BTBD1: variants seen among roughly 807,000 people sequenced by gnomAD.
The protein encoded by BTBD1 is BTB domain containing 1, also known as BTB/POZ domain-containing protein 1.
BTBD1 carries 34 observed loss-of-function variants against 48.0 expected under a neutral mutation model. That is an observed-to-expected ratio of 0.71 (90% CI 0.54 to 0.94). BTBD1 has a LOEUF of 0.94. BTBD1 is among the 40% of genes least tolerant of loss of function. The probability of loss-of-function intolerance (pLI) is 0.00; values close to 1 mark genes in which losing one functional copy is unlikely to be tolerated. For synonymous variants in BTBD1, 261 were observed against 242.1 expected, an observed-to-expected ratio of 1.08 and a Z score of -0.72; for missense variants, 543 against 625.6, an observed-to-expected ratio of 0.87 and a Z score of 1.41.
intron 5 of BTBD1, chr15:83,024,058 T>C (rs114390449): frequency 0.033 from 4,955 of 152,102 alleles, 248 homozygotes; most frequent in African/African-American, 0.11. Flanking sequence ...TTTGTAGAGA[T>C]GGGGGTTTCA....
intron 2 of BTBD1, among the ~76,000 whole-genome samples, chr15:83,052,631 ATTTTT>A (rs35721041): frequency 7.5e-6 from 1 of 132,674 alleles, no homozygotes; most frequent in Non-Finnish European, 1.6e-5. Context: ...ATATCAACAG[ATTTTT>A]TTTTTTTTTT....
intron 2 of BTBD1, among the ~76,000 whole-genome samples, chr15:83,051,871 T>TAC (rs1181498879): frequency 7.6e-4 from 6 of 7,846 alleles, no homozygotes; most frequent in African/African-American, 1.2e-3. Context: ...TTTTTTTCCA[T>TAC]ATATATACAC....
chr15:83,029,546 ACTC>A (rs1379896901), intron 5 of BTBD1: 4 of 152,372 alleles, frequency 2.6e-5, no homozygotes, highest in Admixed American at 1.3e-4. Flanking sequence ...AAGGTCTAGA[ACTC>A]AGCCCACTGG....
intron 5 of BTBD1, among the ~76,000 whole-genome samples, chr15:83,021,598 A>G (rs761165707): frequency 1.2e-4 from 19 of 152,012 alleles, no homozygotes; most frequent in African/African-American, 3.1e-4. Context: ...TACTAAAAAT[A>G]TAACAGTTAG....
At chr15:83,032,986 A>AC (rs1205626004) in intron 4 of BTBD1, among the ~76,000 whole-genome samples, 1 of 151,372 alleles carries the variant, frequency 6.6e-6, no homozygotes, top group Non-Finnish European at 1.5e-5. Flanking sequence ...AAAAAAAAAA[A>AC]AACAGAATAG....
At chr15:83,042,364 ATATATATATATATGTATG>A (rs1320791152) in intron 3 of BTBD1, among the ~76,000 whole-genome samples, 1 of 123,088 alleles carries the variant, frequency 8.1e-6, no homozygotes, top group Non-Finnish European at 1.7e-5. Flanking sequence ...ATATATATAT[ATATATATATATATGTATG>A]TATATATTTT....
intron 5 of BTBD1, among the ~76,000 whole-genome samples, chr15:83,022,758 T>C (rs1160060545): frequency 6.6e-6 from 1 of 151,856 alleles, no homozygotes; most frequent in African/African-American, 2.4e-5. Context: ...GGTCAGGGGA[T>C]CGAGACCATT....
In BTBD1 at chr15:83,041,368, A is replaced by AT. The variant is rs903109976; in HGVS notation, c.862+359dup. Among the ~76,000 whole-genome samples, 764 of 143,040 alleles carry AT rather than the reference A, an allele frequency of 5.3e-3. 1 individual carries two copies. Among genetic ancestry groups the AT allele is most frequent in the Middle Eastern group, 7.3e-3 (2 of 274 alleles). The allele number at this position is 143,040 out of a possible 152,430, so 93.8% of individuals were successfully genotyped here. ...TCTCTGGCGCAGGGAGACTGATAGA[A>AT]TTTTTTTTTTTTTTTGAGATGGAGT... On this transcript the variant is annotated intron_variant, in intron 4 of 7. Coordinates refer to ENST00000261721, the MANE Select transcript of BTBD1 (RefSeq NM_025238.4).
intron 5 of BTBD1, chr15:83,029,641 G>A (rs955305425): frequency 6.5e-6 from 1 of 153,768 alleles, no homozygotes; most frequent in African/African-American, 2.4e-5. Flanking sequence ...GAAGGCTGAA[G>A]CAGGTGGATC....
At chr15:83,029,496 A>G (rs1207337229) in intron 5 of BTBD1, 2 of 152,266 alleles carry the variant, frequency 1.3e-5, no homozygotes, top group East Asian at 3.9e-4. Flanking sequence ...ACATTTATTA[A>G]TTGTAGCCCT....
intron 3 of BTBD1, among the ~76,000 whole-genome samples, chr15:83,046,117 T>C (rs539499432): frequency 3.3e-5 from 5 of 152,186 alleles, no homozygotes; most frequent in African/African-American, 9.6e-5. Context: ...TTTTTGGGGC[T>C]AGGCATAATA....
chr15:83,051,873 T>TACACACACAC (rs766997533), intron 2 of BTBD1, among the ~76,000 whole-genome samples: 14 of 23,688 alleles, frequency 5.9e-4, no homozygotes, highest in East Asian at 7.2e-3. Flanking sequence ...TTTTTCCATA[T>TACACACACAC]ATATACACAC....
chr15:83,050,249 T>A (rs2032954044), intron 2 of BTBD1, 71 bp from the exon 3 acceptor site: 1 of 882,744 alleles, frequency 1.1e-6, no homozygotes. Flanking sequence ...TATTTGAAAT[T>A]AATATTGTCA....
intron 6 of BTBD1, among the ~76,000 whole-genome samples, chr15:83,019,442 C>T (rs567614118): frequency 7.2e-4 from 109 of 151,528 alleles, no homozygotes; most frequent in African/African-American, 2.4e-3. Flanking sequence ...CCTTCCACAT[C>T]GGCCTCCCAA....
chr15:83,065,164 T>A (rs1438342850), intron 1 of BTBD1, among the ~76,000 whole-genome samples: 2 of 152,340 alleles, frequency 1.3e-5, no homozygotes, highest in Middle Eastern at 3.4e-3. Context: ...AATAAAGCTG[T>A]AAATATTTTT....
intron 4 of BTBD1, chr15:83,030,748 A>T (rs2032500592): frequency 6.5e-6 from 1 of 153,864 alleles, no homozygotes; most frequent in Admixed American, 6.5e-5. Flanking sequence ...AATGCAACAA[A>T]AACAAAAACA....
chr15:83,025,948 C>G (rs1348772337), intron 5 of BTBD1, among the ~76,000 whole-genome samples: 1 of 151,706 alleles, frequency 6.6e-6, no homozygotes, highest in East Asian at 1.9e-4. Flanking sequence ...TTTTTGTATT[C>G]TTAGTAGAGA....
At chr15:83,052,797 ATTTTTTTTTTT>A (rs398028150) in intron 2 of BTBD1, among the ~76,000 whole-genome samples, 6 of 94,552 alleles carry the variant, frequency 6.3e-5, no homozygotes, top group Non-Finnish European at 8.1e-5. Context: ...CGCCCGGCTA[ATTTTTTTTTTT>A]TTTTTTTTTT....
chr15:83,025,563 C>T (rs2058797348), intron 5 of BTBD1, among the ~76,000 whole-genome samples: 1 of 151,842 alleles, frequency 6.6e-6, no homozygotes, highest in Admixed American at 6.6e-5. Flanking sequence ...AATCCTACTA[C>T]TTAATATTAT....
Sources: gnomAD v4.1 joint callset for allele counts (sites outside exome capture counted in the v4.1 genomes callset) on GRCh38, gnomAD v4.1.1 for gene constraint, MANE v1.5 for transcripts, NCBI Gene and HGNC (gene_info 2026-07-23, HGNC 2026-07-21) for gene names.